ABCA10: variants seen among roughly 807,000 people sequenced by gnomAD.
The protein encoded by ABCA10 is ATP-binding cassette sub-family A member 10.
ABCA10 carries 169 observed loss-of-function variants against 187.5 expected under a neutral mutation model. That is an observed-to-expected ratio of 0.90 (90% confidence interval 0.80 to 1.02). The LOEUF is 1.02. Among genes scored for constraint, ABCA10 ranks in the 50% least tolerant of loss-of-function variants. The pLI is 0.00. For synonymous variants in ABCA10, 574 were observed against 601.8 expected, an observed-to-expected ratio of 0.95 and a Z score of 0.68; for missense variants, 1,727 against 1,812.4, an observed-to-expected ratio of 0.95 and a Z score of 0.86.
intron 9 of ABCA10, among the ~76,000 whole-genome samples, chr17:69,212,281 T>C (rs902082816): frequency 2.0e-5 from 3 of 152,186 alleles, no homozygotes; most frequent in African/African-American, 4.8e-5. Context: ...TGTGTTTGCA[T>C]GGTTCTGAGG....
At chr17:69,220,083 G>T (rs28611344) in intron 5 of ABCA10, among the ~76,000 whole-genome samples, 12,683 of 152,220 alleles carry the variant, frequency 0.083, 1,827 homozygotes, top group African/African-American at 0.29. Flanking sequence ...GAAGAAAGGA[G>T]AGATATTAAA....
intron 35 of ABCA10, 52 bp downstream of exon 35, chr17:69,152,310 A>C: frequency 1.3e-6 from 2 of 1,585,266 alleles, no homozygotes. Context: ...GCAAACTGAA[A>C]CTCTCTCTAT....
intron 3 of ABCA10, among the ~76,000 whole-genome samples, chr17:69,224,958 T>G (rs2074781517): frequency 6.6e-6 from 1 of 152,162 alleles, no homozygotes; most frequent in African/African-American, 2.4e-5. Context: ...TAAAATTTTT[T>G]GAAACTCTTT....
In ABCA10 at chr17:69,164,079, A is replaced by C. The variant is rs761970757; in HGVS notation, c.3358T>G (p.Leu1120Val). 3.8e-6 allele frequency: 6 copies of C among 1,570,820 alleles called. No individual in the cohort carries two copies. The highest frequency in any genetic ancestry group is 4.3e-6 in the Non-Finnish European group (5 of 1,163,474). Residue 1120 changes from leucine (L) to valine (V), a missense_variant, in exon 27 of 39, where the codon TTA (leucine) becomes GTA (valine). Leu to Val is a conservative substitution (Grantham distance 32). Coordinates refer to ENST00000690296, the MANE Select transcript of ABCA10 (RefSeq NM_001377321.1). The part of the protein sequence containing the change: ...EVNKTILLTT[L>V]IPYLQSVIFL... ...AGGTAGAAAATGTTCCTTACTATTA[A>C]GGTTGTTAAAAGAATGGTTTTATTG...
chr17:69,189,012 T>C (rs2074441407), intron 18 of ABCA10, among the ~76,000 whole-genome samples: 1 of 152,190 alleles, frequency 6.6e-6, no homozygotes. Context: ...TATGTCTTTA[T>C]GACAGAATGA....
chr17:69,151,240 T>C (rs2074125809), intron 36 of ABCA10, among the ~76,000 whole-genome samples: 1 of 152,204 alleles, frequency 6.6e-6, no homozygotes, highest in Non-Finnish European at 1.5e-5. Context: ...TGCTGTTTCC[T>C]GGAAACAGTG....
chr17:69,183,542 C>T (rs1418304257), intron 20 of ABCA10, among the ~76,000 whole-genome samples: 3 of 152,084 alleles, frequency 2.0e-5, no homozygotes. Flanking sequence ...AAACTGAGTG[C>T]CCTCGGTGTG....
At chr17:69,185,722 G>T in intron 19 of ABCA10, 79 bp from the exon 20 acceptor site, 1 of 1,178,592 alleles carries the variant, frequency 8.5e-7, no homozygotes, top group Non-Finnish European at 1.2e-6. Context: ...CTATATAAGT[G>T]CTAACTATGG....
At chr17:69,229,472 T>A (rs542729562), upstream of ABCA10, among the ~76,000 whole-genome samples, 426 of 152,042 alleles carry the variant, frequency 2.8e-3, 2 homozygotes, top group African/African-American at 9.8e-3. Context: ...ACAACTAAAT[T>A]GGATATTCTC....
intron 27 of ABCA10, among the ~76,000 whole-genome samples, chr17:69,158,352 G>GA (rs1036478221): frequency 4.7e-5 from 7 of 149,608 alleles, no homozygotes; most frequent in East Asian, 1.9e-4. Flanking sequence ...ATAAGAATCT[G>GA]AAAAAAAAAT....
At chr17:69,173,357 T>C (rs2074311008) in intron 25 of ABCA10, among the ~76,000 whole-genome samples, 1 of 152,142 alleles carries the variant, frequency 6.6e-6, no homozygotes, top group Non-Finnish European at 1.5e-5. Context: ...GTGATATTCC[T>C]GCTTATACTA....
intron 22 of ABCA10, among the ~76,000 whole-genome samples, chr17:69,176,196 T>A (rs2074332962): frequency 6.6e-6 from 1 of 152,132 alleles, no homozygotes; most frequent in South Asian, 2.1e-4. Flanking sequence ...TTGTTCCAGT[T>A]CCCTATTTCC....
At position 69,148,840 on chromosome 17, in the gene ABCA10, T is replaced by C. The variant is rs1394371988; in HGVS notation, c.4619A>G (p.Gln1540Arg). ...DTTVEWKLLP[Q>R]EDP is the part of the protein sequence containing the mutation. ...AGGTTCTTCATTTTAAGGGTCTTCC[T>C]GTGGGAGAAGTTTCCATTCAACTGT... Residue 1540 changes from glutamine to arginine, a missense_variant, in exon 39 of 39, where the codon CAG becomes CGG. Coordinates refer to ENST00000690296, the MANE Select transcript of ABCA10 (RefSeq NM_001377321.1). The C allele has an allele frequency of 6.2e-7, 1 of 1,612,444 alleles. No homozygotes were observed. The highest frequency in any genetic ancestry group is 1.7e-5 in the Admixed American group (1 of 60,010).
Position 69,155,059 on chromosome 17 carries a change from C to T in ABCA10, c.3654G>A (p.Lys1218=), listed in dbSNP as rs2074163272. 1 of 1,610,868 alleles carries T rather than the reference C, an allele frequency of 6.2e-7. No homozygotes were observed. The highest frequency in any genetic ancestry group is 8.5e-7 in the Non-Finnish European group (1 of 1,177,714). Reference sequence around the variant, plus strand: ...AGGAAACATTTCTGATGGCTATTTTCTTCTTTCTTGTTGAAAAGCAACTTT... The same window carrying T: ...AGGAAACATTTCTGATGGCTATTTTTTTCTTTCTTGTTGAAAAGCAACTTT... ...TKKSCFSTRK[K]KIAIRNVSFC... is the part of the protein sequence containing the mutation. The change falls in exon 30 of 39, where the codon AAG becomes AAA. Residue 1218 remains lysine, a synonymous_variant. Coordinates refer to ENST00000690296, the MANE Select transcript of ABCA10 (RefSeq NM_001377321.1).
intron 36 of ABCA10, 87 bp from the exon 37 acceptor site, chr17:69,150,150 C>T: frequency 1.1e-6 from 1 of 919,544 alleles, no homozygotes; most frequent in Non-Finnish European, 1.7e-6. Context: ...AATAATTTTT[C>T]AATGTGTTCT....
intron 9 of ABCA10, among the ~76,000 whole-genome samples, chr17:69,210,727 G>C (rs2074637396): frequency 6.6e-6 from 1 of 151,074 alleles, no homozygotes; most frequent in Admixed American, 6.6e-5. Flanking sequence ...ACTCCATCCA[G>C]GTTGCTGCAA....
intron 35 of ABCA10, 78 bp downstream of exon 35, chr17:69,152,284 G>A: frequency 6.3e-7 from 1 of 1,576,446 alleles, no homozygotes; most frequent in Admixed American, 1.9e-5. Flanking sequence ...GAGCTGTAGA[G>A]CATCAGCTGT....
chr17:69,182,657 G>C lies in ABCA10; in HGVS notation c.2631+18C>G, dbSNP rs202161498. The C allele has an allele frequency of 2.0e-4, 314 of 1,577,458 alleles. 1 individual carries two copies. In the African/African-American group the frequency reaches 4.0e-3, roughly 20 times the overall value. ...CAAAAAAAAACCAAAAAAAAACAGT[G>C]CATAGAAGCAAACATACCTTCTGGT... On this transcript the variant is annotated intron_variant, in intron 21 of 38. Transcript: ENST00000690296.
chr17:69,214,614 GCTT>G (rs570685140), intron 9 of ABCA10, 87 bp downstream of exon 9: 121 of 1,157,718 alleles, frequency 1.0e-4, no homozygotes, highest in African/African-American at 6.3e-4. Context: ...TATCAGAAAT[GCTT>G]CTTAAGTTAC....
Sources: allele counts gnomAD v4.1 joint callset (sites outside exome capture counted in the v4.1 genomes callset), GRCh38; gene constraint gnomAD v4.1.1; transcripts MANE v1.5; gene names NCBI Gene and HGNC (gene_info 2026-07-23, HGNC 2026-07-21).